Variants in MEI4 observed in about 807,000 individuals in gnomAD.
The protein encoded by MEI4 is meiotic double-stranded break formation protein 4.
A neutral mutation model predicts 31.4 loss-of-function variants in MEI4; 27 were observed. The ratio of observed to expected loss-of-function variants is 0.86; its 90% confidence interval spans 0.63 to 1.19. MEI4 has a LOEUF of 1.19. Among genes scored for constraint, MEI4 ranks in the 50% most tolerant of loss-of-function variants. The pLI is 0.00. For synonymous variants in MEI4, 122 were observed against 145.4 expected, an observed-to-expected ratio of 0.84 and a Z score of 1.16; for missense variants, 329 against 398.9, an observed-to-expected ratio of 0.82 and a Z score of 1.49.
At chr6:77,797,898 AG>A (rs1381891844) in intron 3 of MEI4, among the ~76,000 whole-genome samples, 1 of 152,150 alleles carries the variant, frequency 6.6e-6, no homozygotes, top group Non-Finnish European at 1.5e-5. Context: ...CCAGCTATCC[AG>A]GCATCCTTCA....
At chr6:77,851,481 T>C (rs1770619364) in intron 4 of MEI4, among the ~76,000 whole-genome samples, 1 of 151,858 alleles carries the variant, frequency 6.6e-6, no homozygotes, top group African/African-American at 2.4e-5. Context: ...ATGTCCTTTG[T>C]AGGGACATGG....
chr6:77,874,177 T>C (rs1040323000), intron 4 of MEI4, among the ~76,000 whole-genome samples: 2 of 152,218 alleles, frequency 1.3e-5, no homozygotes, highest in African/African-American at 4.8e-5. Context: ...TGGCATTGAA[T>C]CTATTAATTA....
At chr6:77,803,278 T>C (rs1238842048) in intron 3 of MEI4, among the ~76,000 whole-genome samples, 5 of 152,226 alleles carry the variant, frequency 3.3e-5, no homozygotes, top group Non-Finnish European at 7.3e-5. Context: ...TACTGAGGCT[T>C]GTGCATTCGT....
At chr6:77,883,581 C>T (rs1158883021) in intron 4 of MEI4, among the ~76,000 whole-genome samples, 1 of 151,574 alleles carries the variant, frequency 6.6e-6, no homozygotes, top group African/African-American at 2.4e-5. Context: ...CTTCACATGG[C>T]ACAATGACCT....
intron 3 of MEI4, among the ~76,000 whole-genome samples, chr6:77,816,478 T>C (rs895410576): frequency 2.6e-5 from 4 of 152,146 alleles, no homozygotes; most frequent in Non-Finnish European, 5.9e-5. Flanking sequence ...TTTCATCCTT[T>C]TTTATGGCCG....
At chr6:77,863,336 A>G (rs1032343799) in intron 4 of MEI4, among the ~76,000 whole-genome samples, 3 of 151,956 alleles carry the variant, frequency 2.0e-5, no homozygotes, top group African/African-American at 7.3e-5. Context: ...AAAACCTTGA[A>G]AAAAAATTAG....
At chr6:77,756,378 G>C (rs528826509) in intron 2 of MEI4, among the ~76,000 whole-genome samples, 143 of 152,138 alleles carry the variant, frequency 9.4e-4, no homozygotes, top group Non-Finnish European at 1.7e-3. Context: ...CCTTATTAGG[G>C]AGTGAGTGGT....
chr6:77,735,938 G>T (rs1226632092), intron 2 of MEI4, among the ~76,000 whole-genome samples: 1 of 149,338 alleles, frequency 6.7e-6, no homozygotes, highest in Non-Finnish European at 1.5e-5. Context: ...CTCCCAGTTA[G>T]GCTGCTCGGG....
intron 2 of MEI4, among the ~76,000 whole-genome samples, chr6:77,732,233 C>T (rs931963154): frequency 5.9e-4 from 89 of 151,898 alleles, no homozygotes; most frequent in Non-Finnish European, 7.5e-4. Context: ...TGGCCATTTT[C>T]ACGATATTGA....
intron 4 of MEI4, among the ~76,000 whole-genome samples, chr6:77,904,124 T>C: frequency 6.6e-6 from 1 of 152,276 alleles, no homozygotes; most frequent in African/African-American, 2.4e-5. Context: ...ATTTTTTTCC[T>C]TCTTCTCTTA....
At chr6:77,809,514 T>A (rs1769520712) in intron 3 of MEI4, among the ~76,000 whole-genome samples, 1 of 152,238 alleles carries the variant, frequency 6.6e-6, no homozygotes. Flanking sequence ...TATTTAGATT[T>A]TAGAATTCTT....
intron 3 of MEI4, among the ~76,000 whole-genome samples, chr6:77,784,714 G>A (rs968288196): frequency 6.6e-6 from 1 of 152,134 alleles, no homozygotes; most frequent in African/African-American, 2.4e-5. Context: ...GCTGAGCAGT[G>A]TTAAATGTAA....
At chr6:77,744,175 T>G (rs1304903767) in intron 2 of MEI4, among the ~76,000 whole-genome samples, 3 of 152,144 alleles carry the variant, frequency 2.0e-5, no homozygotes, top group African/African-American at 7.2e-5. Context: ...TACTCCGAGC[T>G]ACAGGAGGAA....
chr6:77,853,953 T>G (rs762247358), intron 4 of MEI4, among the ~76,000 whole-genome samples: 4 of 152,212 alleles, frequency 2.6e-5, no homozygotes. Context: ...CAACATTTTC[T>G]TGACAGTTAT....
At chr6:77,699,112 G>T (rs1454759313) in intron 2 of MEI4, among the ~76,000 whole-genome samples, 2 of 151,698 alleles carry the variant, frequency 1.3e-5, no homozygotes, top group Non-Finnish European at 2.9e-5. Context: ...TTGGCCTTCA[G>T]CTCCATTAGC....
intron 2 of MEI4, among the ~76,000 whole-genome samples, chr6:77,692,248 C>A (rs1427771285): frequency 3.9e-5 from 6 of 152,046 alleles, no homozygotes; most frequent in Non-Finnish European, 5.9e-5. Context: ...TCCTTGACTC[C>A]TCTAGTGGAC....
At chr6:77,699,978 C>A (rs190498863) in intron 2 of MEI4, among the ~76,000 whole-genome samples, 1 of 152,184 alleles carries the variant, frequency 6.6e-6, no homozygotes, top group African/African-American at 2.4e-5. Flanking sequence ...GAGGCGTACC[C>A]GGCAGTGTGA....
At chr6:77,779,266 A>G (rs1768533254) in intron 3 of MEI4, among the ~76,000 whole-genome samples, 1 of 152,222 alleles carries the variant, frequency 6.6e-6, no homozygotes, top group African/African-American at 2.4e-5. Flanking sequence ...AGTATTTCAC[A>G]AAGAAGAGTA....
chr6:77,714,638 A>G (rs1484887668), intron 2 of MEI4, among the ~76,000 whole-genome samples: 5 of 152,234 alleles, frequency 3.3e-5, no homozygotes, highest in Non-Finnish European at 5.9e-5. Context: ...TTAGGAGCTG[A>G]TTCCATTCAA....
Sources: gnomAD v4.1 joint callset for allele counts (sites outside exome capture counted in the v4.1 genomes callset) on GRCh38, gnomAD v4.1.1 for gene constraint, MANE v1.5 for transcripts, NCBI Gene and HGNC (gene_info 2026-07-23, HGNC 2026-07-21) for gene names.